Variants in ZBTB44 observed in about 807,000 individuals in gnomAD.
ZBTB44 encodes zinc finger and BTB domain containing 44.
ZBTB44 carries 15 observed loss-of-function variants against 54.0 expected under a neutral mutation model. The observed-to-expected ratio is 0.28, with a 90% confidence interval of 0.19 to 0.43. The LOEUF (loss-of-function observed/expected upper bound fraction) is 0.43. ZBTB44 is among the 20% of genes least tolerant of loss of function. The pLI, the probability that ZBTB44 is intolerant of heterozygous loss-of-function variation, is 1.00. For missense variants in ZBTB44, 487 were observed against 707.1 expected, an observed-to-expected ratio of 0.69 and a Z score of 3.53; for synonymous variants, 230 against 250.1, an observed-to-expected ratio of 0.92 and a Z score of 0.76.
chr11:130,287,072 T>C (rs1410425032), intron 1 of ZBTB44, among the ~76,000 whole-genome samples: 1 of 152,202 alleles, frequency 6.6e-6, no homozygotes, highest in Non-Finnish European at 1.5e-5. Context: ...ATCTTGCAAA[T>C]TCAATGTCTG....
At chr11:130,311,167 T>C (rs962836736) in intron 1 of ZBTB44, among the ~76,000 whole-genome samples, 2 of 152,180 alleles carry the variant, frequency 1.3e-5, no homozygotes, top group African/African-American at 4.8e-5. Context: ...GCACTATAAT[T>C]TTAAAATGAT....
At chr11:130,249,575 T>A (rs1453434297) in intron 2 of ZBTB44, among the ~76,000 whole-genome samples, 1 of 152,192 alleles carries the variant, frequency 6.6e-6, no homozygotes, top group Non-Finnish European at 1.5e-5. Flanking sequence ...GGCAGGTGTC[T>A]GCATTTCTAA....
At chr11:130,262,363 T>A (rs1263607796) in intron 1 of ZBTB44, among the ~76,000 whole-genome samples, 1 of 152,184 alleles carries the variant, frequency 6.6e-6, no homozygotes, top group Non-Finnish European at 1.5e-5. Flanking sequence ...GGTCTTGAAC[T>A]CCTGACCTCA....
chr11:130,247,998 G>C (rs1264695122), intron 2 of ZBTB44, among the ~76,000 whole-genome samples: 2 of 152,130 alleles, frequency 1.3e-5, no homozygotes, highest in East Asian at 3.8e-4. Flanking sequence ...GAAACAAAAG[G>C]AACTTAAAAC....
At chr11:130,251,808 G>A (rs1272873478) in intron 2 of ZBTB44, among the ~76,000 whole-genome samples, 1 of 152,206 alleles carries the variant, frequency 6.6e-6, no homozygotes, top group African/African-American at 2.4e-5. Context: ...ACCAGCCACT[G>A]CAAAAACACA....
At chr11:130,252,388 A>T (rs1480690827) in intron 2 of ZBTB44, among the ~76,000 whole-genome samples, 1 of 152,198 alleles carries the variant, frequency 6.6e-6, no homozygotes, top group Admixed American at 6.5e-5. Context: ...ATTAACAAAG[A>T]TATTCAGGAC....
At chr11:130,256,133 A>G (rs1187388628) in intron 2 of ZBTB44, among the ~76,000 whole-genome samples, 1 of 152,170 alleles carries the variant, frequency 6.6e-6, no homozygotes, top group Non-Finnish European at 1.5e-5. Flanking sequence ...GCAGAGGCAC[A>G]ACACAAAAAA....
At chr11:130,278,676 A>C (rs1260303409) in intron 1 of ZBTB44, among the ~76,000 whole-genome samples, 5 of 152,152 alleles carry the variant, frequency 3.3e-5, no homozygotes, top group Non-Finnish European at 7.4e-5. Flanking sequence ...TCTATGTTCG[A>C]ATTCACTAAA....
intron 1 of ZBTB44, among the ~76,000 whole-genome samples, chr11:130,305,743 T>A (rs1056313514): frequency 1.3e-5 from 2 of 151,786 alleles, no homozygotes; most frequent in South Asian, 4.2e-4. Context: ...GCAACAAAAA[T>A]AAATGGGACC....
chr11:130,312,469 C>T (rs192109178), intron 1 of ZBTB44, among the ~76,000 whole-genome samples: 22 of 152,120 alleles, frequency 1.4e-4, no homozygotes, highest in Non-Finnish European at 1.9e-4. Flanking sequence ...TTACTTTAAG[C>T]TAATTAAGCC....
intron 1 of ZBTB44, chr11:130,310,580 A>G (rs1942538879): frequency 6.6e-6 from 1 of 152,162 alleles, no homozygotes; most frequent in Admixed American, 6.5e-5. Flanking sequence ...TTAAAATTTA[A>G]AAGTACTTCT....
chr11:130,281,926 A>G (rs1348626814), intron 1 of ZBTB44, among the ~76,000 whole-genome samples: 1 of 152,050 alleles, frequency 6.6e-6, no homozygotes, highest in African/African-American at 2.4e-5. Context: ...TGATGTGCCC[A>G]TGTCATTTTA....
rs914288391 is a variant in ZBTB44, at chr11:130,314,678, C to T, written c.-360G>A. 1 of 150,736 alleles carries T rather than the reference C, an allele frequency of 6.6e-6. No individual in the cohort carries two copies. The highest frequency in any genetic ancestry group is 2.4e-5 in the African/African-American group (1 of 41,060). 9.3% of individuals were successfully genotyped at this position (150,736 alleles called of 1,614,324 possible). A position where few individuals can be genotyped will look rare whatever the true frequency, so the allele number is the denominator to read the frequency against. On this transcript the variant is annotated 5_prime_UTR_variant, in exon 1 of 8. Coordinates refer to ENST00000357899, the MANE Select transcript of ZBTB44 (RefSeq NM_001301098.2). Reference sequence around the variant, plus strand: ...GCCAGAGGGGAGGAGCGAGGGGGCCCGGGAGCCGCGCGCTGGCGACCGTTG... The same window carrying T: ...GCCAGAGGGGAGGAGCGAGGGGGCCTGGGAGCCGCGCGCTGGCGACCGTTG...
intron 1 of ZBTB44, chr11:130,285,824 G>C (rs1244185220): frequency 5.9e-6 from 1 of 168,078 alleles, no homozygotes; most frequent in African/African-American, 2.4e-5. Flanking sequence ...CAAATCCTGA[G>C]ACCAACCCGT....
intron 1 of ZBTB44, among the ~76,000 whole-genome samples, chr11:130,270,868 A>G (rs1477207521): frequency 6.6e-6 from 1 of 152,220 alleles, no homozygotes; most frequent in Admixed American, 6.5e-5. Flanking sequence ...AAGAATATCC[A>G]CATGTAAATT....
At chr11:130,274,987 G>C (rs1484212448) in intron 1 of ZBTB44, among the ~76,000 whole-genome samples, 2 of 152,154 alleles carry the variant, frequency 1.3e-5, no homozygotes, top group Non-Finnish European at 2.9e-5. Context: ...ATCTGAGCCT[G>C]GGCTTTTCAT....
intron 1 of ZBTB44, among the ~76,000 whole-genome samples, chr11:130,300,351 CA>C (rs1235589261): frequency 6.6e-6 from 1 of 151,894 alleles, no homozygotes; most frequent in African/African-American, 2.4e-5. Context: ...CACACACACA[CA>C]AATCAATGGT....
intron 1 of ZBTB44, among the ~76,000 whole-genome samples, chr11:130,271,755 G>C (rs1939687494): frequency 6.6e-6 from 1 of 152,050 alleles, no homozygotes. Context: ...CCAGTTTTTG[G>C]CTATTATGAA....
intron 2 of ZBTB44, among the ~76,000 whole-genome samples, chr11:130,254,136 AC>A (rs1231223378): frequency 1.3e-5 from 2 of 152,202 alleles, no homozygotes; most frequent in Admixed American, 1.3e-4. Flanking sequence ...CCTAGGCAAT[AC>A]CATTCAGGAC....
Sources: gnomAD v4.1 joint callset for allele counts (sites outside exome capture counted in the v4.1 genomes callset) on GRCh38, gnomAD v4.1.1 for gene constraint, MANE v1.5 for transcripts, NCBI Gene and HGNC (gene_info 2026-07-23, HGNC 2026-07-21) for gene names.